The following PAPPA2 variants were observed in gnomAD, a reference collection of about 807,000 sequenced individuals.
PAPPA2 encodes pappalysin-2.
A neutral mutation model predicts 176.4 loss-of-function variants in PAPPA2; 86 were observed. The ratio of observed to expected loss-of-function variants is 0.49; its 90% confidence interval spans 0.41 to 0.58. The LOEUF (loss-of-function observed/expected upper bound fraction) is 0.58. Ranked by LOEUF, PAPPA2 falls within the 20% of genes least tolerant of loss-of-function variation. PAPPA2 has a pLI of 0.00. For missense variants in PAPPA2, 2,073 were observed against 2,256.9 expected (o/e 0.92, Z 1.65); for synonymous variants, 809 against 852.2 (o/e 0.95, Z 0.88).
chr1:176,795,768 G>C lies in PAPPA2; in HGVS notation c.5130+2099G>C, dbSNP rs1001978318. Among the ~76,000 whole-genome samples the C allele has an allele frequency of 1.3e-5, 2 of 152,070 alleles. 1 individual carries two copies. The highest frequency in any genetic ancestry group is 4.1e-4 in the South Asian group (2 of 4,824). On this transcript the variant is annotated intron_variant, in intron 20 of 22. Transcript: ENST00000367662. ...AATACCATAATTATGAATTAGTGAG[G>C]TCCAAATAAATGAGATTTTCCTGTG...
intron 21 of PAPPA2, 60 bp from the exon 22 acceptor site, chr1:176,840,113 C>A: frequency 1.5e-6 from 2 of 1,338,702 alleles, no homozygotes; most frequent in Non-Finnish European, 2.1e-6. Context: ...GGAGGAGTGG[C>A]AGAGTCAAAC....
chr1:176,646,195 A>G (rs1017560275), intron 3 of PAPPA2, among the ~76,000 whole-genome samples: 1 of 151,556 alleles, frequency 6.6e-6, no homozygotes, highest in Non-Finnish European at 1.5e-5. Context: ...CATTTCCCCA[A>G]TGTTTTCTCC....
intron 1 of PAPPA2, among the ~76,000 whole-genome samples, chr1:176,554,911 C>A (rs908609371): frequency 2.6e-5 from 4 of 151,828 alleles, no homozygotes; most frequent in Non-Finnish European, 2.9e-5. Flanking sequence ...AAGAAAAATA[C>A]AAGGGATCCC....
chr1:176,689,827 C>A (rs569865345), intron 4 of PAPPA2, among the ~76,000 whole-genome samples: 4 of 152,306 alleles, frequency 2.6e-5, no homozygotes, highest in Admixed American at 2.0e-4. Context: ...TGTATGTCTT[C>A]TTTTAACTCT....
intron 14 of PAPPA2, among the ~76,000 whole-genome samples, chr1:176,764,325 G>A (rs1424911495): frequency 6.6e-6 from 1 of 152,186 alleles, no homozygotes; most frequent in Non-Finnish European, 1.5e-5. Flanking sequence ...ACAAAAAAGT[G>A]GGGTGACAAA....
At chr1:176,516,421 C>T (rs893044194) in intron 1 of PAPPA2, among the ~76,000 whole-genome samples, 1 of 152,004 alleles carries the variant, frequency 6.6e-6, no homozygotes, top group Non-Finnish European at 1.5e-5. Flanking sequence ...CATTTAGAAG[C>T]AAAGAAAGGT....
intron 1 of PAPPA2, among the ~76,000 whole-genome samples, chr1:176,491,538 T>C (rs912560755): frequency 1.3e-5 from 2 of 152,128 alleles, no homozygotes; most frequent in African/African-American, 2.4e-5. Flanking sequence ...GGGGGAAAGA[T>C]AAAAAATTCA....
At chr1:176,580,698 T>C (rs900644205) in intron 2 of PAPPA2, among the ~76,000 whole-genome samples, 1 of 152,216 alleles carries the variant, frequency 6.6e-6, no homozygotes, top group African/African-American at 2.4e-5. Context: ...TGATATCTTA[T>C]TGTGATTTTG....
intron 2 of PAPPA2, among the ~76,000 whole-genome samples, chr1:176,573,053 T>C (rs1433000286): frequency 6.6e-6 from 1 of 152,034 alleles, no homozygotes; most frequent in Non-Finnish European, 1.5e-5. Flanking sequence ...TTGAGAGAGA[T>C]GGGGTGAGGG....
At chr1:176,751,158 C>T (rs1462697515) in intron 14 of PAPPA2, among the ~76,000 whole-genome samples, 6 of 151,476 alleles carry the variant, frequency 4.0e-5, no homozygotes, top group Non-Finnish European at 5.9e-5. Flanking sequence ...TGTAGATATG[C>T]GGCATTATTT....
intron 2 of PAPPA2, among the ~76,000 whole-genome samples, chr1:176,571,357 A>G (rs1030199869): frequency 7.2e-5 from 11 of 152,228 alleles, no homozygotes; most frequent in African/African-American, 2.7e-4. Context: ...CAAGCCCTTT[A>G]CTAGCTGTGG....
chr1:176,560,121 C>T (rs1651574981), intron 2 of PAPPA2, among the ~76,000 whole-genome samples: 1 of 152,174 alleles, frequency 6.6e-6, no homozygotes, highest in African/African-American at 2.4e-5. Context: ...TGTCCTCTCC[C>T]AGAATGTTGT....
At chr1:176,467,253 T>C (rs532262522) in intron 1 of PAPPA2, among the ~76,000 whole-genome samples, 1 of 152,228 alleles carries the variant, frequency 6.6e-6, no homozygotes, top group Non-Finnish European at 1.5e-5. Context: ...TATAATCTTA[T>C]GGGACCACTG....
At chr1:176,546,970 A>T (rs1389012285) in intron 1 of PAPPA2, among the ~76,000 whole-genome samples, 2 of 152,198 alleles carry the variant, frequency 1.3e-5, no homozygotes, top group East Asian at 3.8e-4. Flanking sequence ...GGTCAAAATG[A>T]TGAGATCAAA....
intron 3 of PAPPA2, among the ~76,000 whole-genome samples, chr1:176,642,292 A>G (rs1036899897): frequency 1.3e-5 from 2 of 151,958 alleles, no homozygotes; most frequent in Non-Finnish European, 2.9e-5. Context: ...TTGATTGCAT[A>G]TTTGCTATAA....
chr1:176,798,098 A>G (rs1665524787), intron 20 of PAPPA2, among the ~76,000 whole-genome samples: 1 of 152,224 alleles, frequency 6.6e-6, no homozygotes, highest in Non-Finnish European at 1.5e-5. Context: ...AGTTAAGGAG[A>G]GATGTCAGTA....
chr1:176,817,867 T>G (rs1014164547), intron 21 of PAPPA2, among the ~76,000 whole-genome samples: 9 of 152,168 alleles, frequency 5.9e-5, no homozygotes, highest in Non-Finnish European at 8.8e-5. Context: ...GCTGGGGACT[T>G]ATATTGAGAA....
At chr1:176,499,811 G>A (rs1476178012) in intron 1 of PAPPA2, among the ~76,000 whole-genome samples, 1 of 152,180 alleles carries the variant, frequency 6.6e-6, no homozygotes, top group African/African-American at 2.4e-5. Flanking sequence ...TTTACTGGGT[G>A]GATAACAACC....
intron 21 of PAPPA2, among the ~76,000 whole-genome samples, chr1:176,804,909 G>A (rs58539634): frequency 0.027 from 4,146 of 152,186 alleles, 206 homozygotes; most frequent in African/African-American, 0.095. Context: ...CCAATAAAGT[G>A]TACTTTCTTC....
Sources: gnomAD v4.1 joint callset for allele counts (sites outside exome capture counted in the v4.1 genomes callset) on GRCh38, gnomAD v4.1.1 for gene constraint, MANE v1.5 for transcripts, NCBI Gene and HGNC (gene_info 2026-07-23, HGNC 2026-07-21) for gene names.